The following ATRX variants were observed in gnomAD, a reference collection of about 807,000 sequenced individuals.
The protein encoded by ATRX is chromatin remodeler ATRX.
ATRX carries 12 observed loss-of-function variants against 172.6 expected under a neutral mutation model. The observed-to-expected ratio is 0.07, with a 90% confidence interval of 0.04 to 0.11. The LOEUF (loss-of-function observed/expected upper bound fraction) is 0.11, where lower values mean the gene tolerates loss of function less well. Among genes scored for constraint, ATRX ranks in the 10% least tolerant of loss-of-function variants. The pLI is 1.00. For missense variants in ATRX, 1,368 were observed against 1,767.4 expected (o/e 0.77, Z 4.05); for synonymous variants, 674 against 594.7 (o/e 1.13, Z -1.94).
chrX:77,760,016 T>A (rs887841387), intron 1 of ATRX, among the ~76,000 whole-genome samples: 1 of 111,325 alleles, frequency 9.0e-6, no homozygotes, highest in Non-Finnish European at 1.9e-5. Context: ...ATCAAAAAAT[T>A]TTGGGTTTTG....
chrX:77,775,180 G>A (rs1290139547), intron 1 of ATRX, among the ~76,000 whole-genome samples: 4 of 111,830 alleles, frequency 3.6e-5, no homozygotes, highest in African/African-American at 9.7e-5. Flanking sequence ...AATAATAATA[G>A]AGGATGATAA....
chrX:77,631,032 T>C (rs1391635945), intron 19 of ATRX, among the ~76,000 whole-genome samples: 1 of 110,626 alleles, frequency 9.0e-6, no homozygotes, highest in Non-Finnish European at 1.9e-5. Context: ...CCATGATGTC[T>C]TCAAGAAATG....
At chrX:77,722,935 A>T (rs782276399) in intron 1 of ATRX, among the ~76,000 whole-genome samples, 33 of 112,294 alleles carry the variant, frequency 2.9e-4, no homozygotes, top group African/African-American at 9.4e-4. Context: ...ACTTGGAACT[A>T]ACCCAAATGC....
chrX:77,648,183 A>T (rs2069012375), intron 15 of ATRX, among the ~76,000 whole-genome samples: 1 of 112,142 alleles, frequency 8.9e-6, no homozygotes, highest in African/African-American at 3.2e-5. Flanking sequence ...TAACAATTAT[A>T]GTTGGAGACA....
rs782819940 is a variant in ATRX, at chrX:77,676,263, C to T, written c.3772G>A (p.Val1258Met). The T allele has an allele frequency of 8.3e-7, 1 of 1,207,750 alleles. No individual in the cohort carries two copies. Among genetic ancestry groups the T allele is most frequent in the South Asian group, 1.8e-5 (1 of 56,893 alleles). Reference protein sequence around the residue: ...EALSKSVPVTVDDDDDDNDPE... With the variant: ...EALSKSVPVTMDDDDDDNDPE... ...TCATTGTCGTCATCATCATCATCCACTGTGACAGGCACTGATTTAGATAAG... is the reference window on the plus strand; with the variant it reads ...TCATTGTCGTCATCATCATCATCCATTGTGACAGGCACTGATTTAGATAAG... Residue 1258 changes from valine (V) to methionine (M), a missense_variant, in exon 10 of 35, where the codon GTG (valine) becomes ATG (methionine). By Grantham distance (21) the Val-to-Met change is conservative. Coordinates refer to ENST00000373344, the MANE Select transcript of ATRX (RefSeq NM_000489.6).
intron 15 of ATRX, among the ~76,000 whole-genome samples, chrX:77,644,745 C>T (rs1237072677): frequency 9.3e-6 from 1 of 107,541 alleles, no homozygotes; most frequent in Non-Finnish European, 1.9e-5. Flanking sequence ...AGTGAAGAAA[C>T]AAAAAGGGAT....
chrX:77,765,690 A>T (rs1031386461), intron 1 of ATRX, among the ~76,000 whole-genome samples: 58 of 108,765 alleles, frequency 5.3e-4, no homozygotes, highest in African/African-American at 1.9e-3. Context: ...AATTTTTTTT[A>T]TTTTTATTTT....
chrX:77,696,814 C>T, intron 4 of ATRX, 110 bp from the exon 5 acceptor site: 1 of 787,165 alleles, frequency 1.3e-6, no homozygotes, highest in African/African-American at 2.0e-5. Flanking sequence ...AACAAGGAAG[C>T]ACATCAGAAT....
At chrX:77,675,319 A>C (rs1363194014) in intron 10 of ATRX, 2 of 111,797 alleles carry the variant, frequency 1.8e-5, no homozygotes, top group African/African-American at 6.5e-5. Context: ...TCTTAAATAT[A>C]GTAAATTTTT....
At chrX:77,612,759 C>T (rs1352750858) in intron 22 of ATRX, among the ~76,000 whole-genome samples, 2 of 110,955 alleles carry the variant, frequency 1.8e-5, no homozygotes, top group Non-Finnish European at 3.8e-5. Flanking sequence ...CCATTCCCTT[C>T]GTCCCCCAGA....
chrX:77,583,506 A>G (rs1192263595), intron 27 of ATRX, among the ~76,000 whole-genome samples: 1 of 110,779 alleles, frequency 9.0e-6, no homozygotes, highest in African/African-American at 3.3e-5. Flanking sequence ...TCTGGGCAAC[A>G]GAGTGAGACC....
intron 27 of ATRX, among the ~76,000 whole-genome samples, chrX:77,585,583 CAAAAAAAA>C (rs781792876): frequency 1.3e-3 from 11 of 8,547 alleles, no homozygotes; most frequent in East Asian, 4.8e-3. Context: ...CTCCCCCCAC[CAAAAAAAA>C]AAAAAAAAAA....
chrX:77,522,122 C>A, intron 32 of ATRX, 141 bp downstream of exon 32: 1 of 885,632 alleles, frequency 1.1e-6, no homozygotes, highest in Non-Finnish European at 1.6e-6. Flanking sequence ...AAACGGTCAA[C>A]AAATAAAACA....
At chrX:77,706,644 C>T (rs1022588929) in intron 2 of ATRX, among the ~76,000 whole-genome samples, 1 of 111,379 alleles carries the variant, frequency 9.0e-6, no homozygotes, top group Non-Finnish European at 1.9e-5. Context: ...TGTCTCACGC[C>T]TGTAATCCCA....
chrX:77,538,632 T>A (rs1557049363), intron 30 of ATRX, among the ~76,000 whole-genome samples: 1 of 111,555 alleles, frequency 9.0e-6, no homozygotes, highest in Admixed American at 9.6e-5. Flanking sequence ...AATAAAGAAA[T>A]TTTTAAATTA....
At chrX:77,513,910 C>T (rs990294146) in intron 34 of ATRX, among the ~76,000 whole-genome samples, 4 of 111,128 alleles carry the variant, frequency 3.6e-5, no homozygotes, top group Admixed American at 9.6e-5. Flanking sequence ...TCAGCAATAT[C>T]TCAGGGTACA....
At chrX:77,541,846 C>G (rs1557050984) in intron 30 of ATRX, among the ~76,000 whole-genome samples, 1 of 111,487 alleles carries the variant, frequency 9.0e-6, no homozygotes. Context: ...TTATGACAAA[C>G]CCACAGCCAA....
chrX:77,573,650 TA>T (rs1261961319), intron 28 of ATRX, among the ~76,000 whole-genome samples: 2 of 111,365 alleles, frequency 1.8e-5, no homozygotes, highest in African/African-American at 6.5e-5. Context: ...ATAATTTTTT[TA>T]AAAAATGACA....
At chrX:77,745,590 G>A (rs1344977427) in intron 1 of ATRX, among the ~76,000 whole-genome samples, 4 of 111,570 alleles carry the variant, frequency 3.6e-5, no homozygotes, top group African/African-American at 9.8e-5. Flanking sequence ...CCAGAGGCTA[G>A]GACGGGTAGT....
Sources: allele counts gnomAD v4.1 joint callset (sites outside exome capture counted in the v4.1 genomes callset), GRCh38; gene constraint gnomAD v4.1.1; transcripts MANE v1.5; gene names NCBI Gene and HGNC (gene_info 2026-07-23, HGNC 2026-07-21).